HK3: variants seen among roughly 807,000 people sequenced by gnomAD.
The protein encoded by HK3 is hexokinase-3.
In HK3, 93 loss-of-function variants were observed where a neutral mutation model predicts 91.0. That is an observed-to-expected ratio of 1.02 (90% CI 0.86 to 1.21). The LOEUF (loss-of-function observed/expected upper bound fraction) is 1.21. Ranked by LOEUF, HK3 falls within the 50% of genes most tolerant of loss-of-function variation. The pLI, the probability that HK3 is intolerant of heterozygous loss-of-function variation, is 0.00. For missense variants in HK3, 1,235 were observed against 1,247.4 expected (o/e 0.99, Z 0.15); for synonymous variants, 519 against 516.9 (o/e 1.00, Z -0.06).
At position 176,881,070 on chromosome 5, in the gene HK3, TC is replaced by T. The variant is rs1758410692; in HGVS notation, c.*2del. ...CGGAGACCTCCTCAGCCTGGAGGTT[TC>T]CTCAGACACGAGTCAACTGCGCAAG... On this transcript the variant is annotated 3_prime_UTR_variant, in exon 19 of 19. Transcript: ENST00000292432. The T allele has an allele frequency of 6.3e-7, 1 of 1,594,054 alleles. No homozygotes were observed. Among genetic ancestry groups the T allele is most frequent in the Non-Finnish European group, 8.5e-7 (1 of 1,169,968 alleles).
chr5:176,890,759 C>T (rs746557736), intron 5 of HK3, 29 bp from the exon 6 acceptor site: 2 of 1,614,238 alleles, frequency 1.2e-6, no homozygotes, highest in Non-Finnish European at 1.7e-6. Flanking sequence ...GGTTACTCCT[C>T]TGACGGCCTT....
At chr5:176,893,185 T>C (rs1253988587) in intron 2 of HK3, among the ~76,000 whole-genome samples, 1 of 152,184 alleles carries the variant, frequency 6.6e-6, no homozygotes, top group Non-Finnish European at 1.5e-5. Context: ...GCAAGTCATC[T>C]GCAGGGCCAA....
At position 176,888,580 on chromosome 5, in the gene HK3, G is replaced by A. The variant is rs1343136568; in HGVS notation, c.1071-15C>T. ...CAGTAGAGGGGCTGGAGGGGAAAGG[G>A]AAGTGGTTTGGGGCTCAGCCCAGAA... is the stretch of plus-strand genomic sequence containing the variant. On this transcript the variant is annotated splice_polypyrimidine_tract_variant and intron_variant, in intron 9 of 18. Coordinates refer to ENST00000292432, the MANE Select transcript of HK3 (RefSeq NM_002115.3). 2 of 1,585,272 alleles carry A rather than the reference G, an allele frequency of 1.3e-6. No homozygotes were observed. The highest frequency in any genetic ancestry group is 1.7e-6 in the Non-Finnish European group (2 of 1,164,086).
intron 2 of HK3, among the ~76,000 whole-genome samples, chr5:176,893,151 T>C (rs1758820744): frequency 6.6e-6 from 1 of 151,922 alleles, no homozygotes; most frequent in African/African-American, 2.4e-5. Flanking sequence ...GTGTTAGAAA[T>C]ATGGAAACGG....
chr5:176,884,028 C>T lies in HK3; in HGVS notation c.1953+11G>A, dbSNP rs771412859. ...CCACAGCCCCAAAGCACCCCTAGAA[C>T]AGGCTCCTACCTGTCTGCGAGTGAT... On this transcript the variant is annotated intron_variant, in intron 14 of 18. Transcript: ENST00000292432. This position sits in a 1 kb window ranked among gnomAD's most constrained non-coding sequence, Gnocchi z 4.1. 7.4e-6 allele frequency: 12 copies of T among 1,613,424 alleles called. No homozygotes were observed. The highest frequency in any genetic ancestry group is 1.0e-5 in the Non-Finnish European group (12 of 1,179,496).
Position 176,881,527 on chromosome 5 carries a change from A to C in HK3, c.2402T>G (p.Leu801Arg). The part of the protein sequence containing the change: ...KFLSEIESDS[L>R]ALRQVRAILE... ...GATGGCTCGGACCTGCCGCAGGGCCAGGCTGTCACTGGGGGCCAGGAAGGA... is the reference window on the plus strand; with the variant it reads ...GATGGCTCGGACCTGCCGCAGGGCCCGGCTGTCACTGGGGGCCAGGAAGGA... The change falls in exon 18 of 19, where the codon CTG becomes CGG. Residue 801 changes from leucine to arginine, a missense_variant. Leu to Arg is a moderately radical substitution (Grantham distance 102). Transcript: ENST00000292432. The C allele has an allele frequency of 6.2e-7, 1 of 1,602,712 alleles. No individual in the cohort carries two copies. The highest frequency in any genetic ancestry group is 1.1e-5 in the South Asian group (1 of 90,872).
Position 176,881,128 on chromosome 5 carries a change from C to A in HK3, c.2717G>T (p.Gly906Val), listed in dbSNP as rs1758413186. ...GGCAACAGCGGTGACCAGGGCCGCA[C>A]CTTTGCCGGACCCATCCTCTGACTG... is the stretch of plus-strand genomic sequence containing the variant. ...FLQSEDGSGK[G>V]AALVTAVACR... is the part of the protein sequence containing the mutation. The change falls in exon 19 of 19, where the codon GGT (glycine) becomes GTT (valine). Residue 906 changes from glycine (G) to valine (V), a missense_variant. Gly to Val is a moderately radical substitution (Grantham distance 109, BLOSUM62 -3). This residue lies in a region of HK3 where 513 missense variants were observed against 477.4 expected (regional missense o/e 1.07). Coordinates refer to ENST00000292432, the MANE Select transcript of HK3 (RefSeq NM_002115.3). The A allele has an allele frequency of 1.2e-6, 2 of 1,612,860 alleles. No individual in the cohort carries two copies. Among genetic ancestry groups the A allele is most frequent in the African/African-American group, 2.7e-5 (2 of 74,912 alleles).
intron 15 of HK3, 110 bp from the exon 16 acceptor site, chr5:176,882,237 C>T: frequency 8.9e-7 from 1 of 1,121,180 alleles, no homozygotes; most frequent in Non-Finnish European, 1.3e-6. Flanking sequence ...CTCTACCTCT[C>T]ATGCTCACAG....
At chr5:176,885,766 A>C (rs943167950) in intron 13 of HK3, among the ~76,000 whole-genome samples, 1 of 151,524 alleles carries the variant, frequency 6.6e-6, no homozygotes, top group African/African-American at 2.4e-5. Flanking sequence ...ATAAGACTAT[A>C]TTTCTTGCCC....
In HK3 at chr5:176,889,557, G is replaced by T. The variant is rs549677707; in HGVS notation, c.738C>A (p.Gly246=). ...PCEVGLVVDT[G]TNACYMEEAR... ...CCTCCTCCATGTAACACGCGTTGGT[G>T]CCCGTGTCTGGCAGAGACAACCCTG... Residue 246 remains glycine, a synonymous_variant, in exon 8 of 19, where the codon GGC becomes GGA. Transcript: ENST00000292432. The T allele has an allele frequency of 1.2e-6, 2 of 1,614,118 alleles. No homozygotes were observed. Among genetic ancestry groups the T allele is most frequent in the East Asian group, 2.2e-5 (1 of 44,890 alleles).
Position 176,890,725 on chromosome 5 carries a change from G to A in HK3, c.540C>T (p.Thr180=). Reference sequence around the variant, plus strand: ...TAAAACCTTTGGTCCAGGAAATGAGGGTGCTCTGGAGGTAGAGAAGCTGGG... The same window carrying A: ...TAAAACCTTTGGTCCAGGAAATGAGAGTGCTCTGGAGGTAGAGAAGCTGGG... ...PCHQTGLDRS[T]LISWTKGFRC... The change falls in exon 6 of 19, where the codon ACC becomes ACT. Residue 180 remains threonine (T), a synonymous_variant. Transcript: ENST00000292432. The A allele has an allele frequency of 6.2e-7, 1 of 1,614,170 alleles. No homozygotes were observed. The highest frequency in any genetic ancestry group is 2.2e-5 in the East Asian group (1 of 44,884).
rs368391542 is a variant in HK3 at position 176,891,172 on chromosome 5, C to T, written c.279G>A (p.Val93=). The T allele has an allele frequency of 1.3e-3, 2,099 of 1,614,164 alleles. 36 individuals are homozygous for T. In the South Asian group the frequency reaches 0.021, roughly 16 times the overall value. ...AGGCCCCTGTGGCCCCCAGCTCCAGCACCACGAAGTCTCCTTGCTCTGGAG... is the reference window on the plus strand; with the variant it reads ...AGGCCCCTGTGGCCCCCAGCTCCAGTACCACGAAGTCTCCTTGCTCTGGAG... ...PHGTEQGDFV[V]LELGATGASL... Residue 93 remains valine (V), a synonymous_variant, in exon 4 of 19, where the codon GTG becomes GTA. Transcript: ENST00000292432.
intron 10 of HK3, 143 bp downstream of exon 10, chr5:176,888,189 C>T (rs949983342): frequency 2.8e-6 from 2 of 705,388 alleles, no homozygotes; most frequent in African/African-American, 3.5e-5. Flanking sequence ...TTCTGGCCTC[C>T]CATAGCTCAG....
chr5:176,888,973 C>G (rs1391596726), intron 8 of HK3, 109 bp from the exon 9 acceptor site: 1 of 1,291,594 alleles, frequency 7.7e-7, no homozygotes, highest in Non-Finnish European at 1.1e-6. Flanking sequence ...GGCTCCCAAA[C>G]TGGAGACTCC....
At position 176,886,011 on chromosome 5, in the gene HK3, CG is replaced by C. The variant is rs1182536697; in HGVS notation, c.1857+990del. On this transcript the variant is annotated intron_variant, in intron 13 of 18. Coordinates refer to ENST00000292432, the MANE Select transcript of HK3 (RefSeq NM_002115.3). ...CAGAACTTTGAGAGGCTGAGGTGAG[CG>C]GATCACCTGAGATCAGGATTTCTAG... 4.6e-5 allele frequency among the ~76,000 whole-genome samples: 7 copies of C among 152,002 alleles called. No homozygotes were observed. In the East Asian group the frequency reaches 1.4e-3, roughly 30 times the overall value.
intron 1 of HK3, among the ~76,000 whole-genome samples, chr5:176,897,996 G>A (rs937689505): frequency 6.6e-6 from 1 of 152,100 alleles, no homozygotes; most frequent in African/African-American, 2.4e-5. Flanking sequence ...TGGAGACATC[G>A]AAGTGTGCTC....
rs373165465 is a variant in HK3, at chr5:176,888,766, G to A, written c.1013C>T (p.Ser338Phe). The change falls in exon 9 of 19, where the codon TCC becomes TTC. Residue 338 changes from serine (S) to phenylalanine (F), a missense_variant. Ser to Phe is a radical substitution (Grantham distance 155, BLOSUM62 -2). Around this residue, in one of 3 missense-constraint regions of HK3, gnomAD observed 717 missense variants for 751.6 expected, o/e 0.95. Coordinates refer to ENST00000292432, the MANE Select transcript of HK3 (RefSeq NM_002115.3). ...RCGVLFGGCT[S>F]PALLSQGSIL... The stretch of plus-strand genomic sequence containing the variant: ...GCTGCCTTGGCTCAGCAGGGCAGGG[G>A]AGGTGCAGCCACCAAAGAGGACCCC... The A allele has an allele frequency of 1.2e-6, 2 of 1,614,096 alleles. No homozygotes were observed. Among genetic ancestry groups the A allele is most frequent in the Non-Finnish European group, 1.7e-6 (2 of 1,180,032 alleles).
At position 176,888,123 on chromosome 5, in the gene HK3, C is replaced by T. The variant is rs570999686; in HGVS notation, c.1304+209G>A. On this transcript the variant is annotated intron_variant, in intron 10 of 18. Coordinates refer to ENST00000292432, the MANE Select transcript of HK3 (RefSeq NM_002115.3). ...CACCAGCCATACGCCCCCGTGTCGC[C>T]ATGGCCTCCACCCTTGCACACACAA... 5.9e-5 allele frequency among the ~76,000 whole-genome samples: 9 copies of T among 152,290 alleles called. No individual in the cohort carries two copies. In the South Asian group the frequency reaches 1.9e-3, roughly 32 times the overall value.
chr5:176,889,489 C>T lies in HK3; in HGVS notation c.806G>A (p.Cys269Tyr). 1 of 1,614,188 alleles carries T rather than the reference C, an allele frequency of 6.2e-7. No individual in the cohort carries two copies. The highest frequency in any genetic ancestry group is 8.5e-7 in the Non-Finnish European group (1 of 1,180,030). ...GAAGGAGCCCCACTCGACGCTGACG[C>T]AGACGCGGCCCCGGTCTTCGTCCAG... ...AVLDEDRGRV[C>Y]VSVEWGSFSD... Residue 269 changes from cysteine (C) to tyrosine (Y), a missense_variant, in exon 8 of 19, where the codon TGC (cysteine) becomes TAC (tyrosine). By Grantham distance (194) the Cys-to-Tyr change is radical. Around this residue, in one of 3 missense-constraint regions of HK3, gnomAD observed 717 missense variants for 751.6 expected, o/e 0.95. Transcript: ENST00000292432.
Sources: gnomAD v4.1 joint callset for allele counts (sites outside exome capture counted in the v4.1 genomes callset) on GRCh38, gnomAD v4.1.1 for gene constraint, gnomAD v4.1.1 regional missense constraint, Gnocchi (gnomAD v3.1) non-coding constraint, MANE v1.5 for transcripts, NCBI Gene and HGNC (gene_info 2026-07-23, HGNC 2026-07-21) for gene names.